The following LSAMP variants were observed in gnomAD, a reference collection of about 807,000 sequenced individuals.
LSAMP encodes limbic system-associated membrane protein.
In LSAMP, 7 loss-of-function variants were observed where a neutral mutation model predicts 38.6. The observed-to-expected ratio is 0.18, with a 90% confidence interval of 0.10 to 0.34. The LOEUF (loss-of-function observed/expected upper bound fraction) is 0.34. Among genes scored for constraint, LSAMP ranks in the 10% least tolerant of loss-of-function variants. LSAMP has a pLI of 1.00. For synonymous variants in LSAMP, 154 were observed against 166.8 expected, an observed-to-expected ratio of 0.92 and a Z score of 0.59; for missense variants, 313 against 420.0, an observed-to-expected ratio of 0.75 and a Z score of 2.23.
Position 116,311,850 on chromosome 3 carries a change from C to T in LSAMP, c.155+133027G>A, listed in dbSNP as rs74285335. ...AGTAGCAGTGGTAGTATTAGCAGTA[C>T]TTGCTCAATAAATACCTTTTGATTT... On this transcript the variant is annotated intron_variant, in intron 1 of 6. Transcript: ENST00000490035. Among the ~76,000 whole-genome samples the T allele has an allele frequency of 9.3e-3, 1,419 of 152,276 alleles. 23 individuals carry two copies. The highest frequency in any genetic ancestry group is 0.029 in the African/African-American group (1,197 of 41,544).
chr3:116,328,032 T>C (rs930894023), intron 1 of LSAMP, among the ~76,000 whole-genome samples: 1 of 152,172 alleles, frequency 6.6e-6, no homozygotes, highest in Admixed American at 6.6e-5. Flanking sequence ...TTTTTCTTTC[T>C]ACTGCATTGT....
intron 1 of LSAMP, among the ~76,000 whole-genome samples, chr3:116,270,053 A>G (rs2046949418): frequency 6.6e-6 from 1 of 152,118 alleles, no homozygotes; most frequent in Admixed American, 6.6e-5. Context: ...CCTACCTCCC[A>G]CCTGCAATCC....
intron 1 of LSAMP, among the ~76,000 whole-genome samples, chr3:116,439,174 C>T (rs2049395958): frequency 6.6e-6 from 1 of 152,096 alleles, no homozygotes; most frequent in South Asian, 2.1e-4. Context: ...TAGAAGTTCC[C>T]CAGCTGATGG....
chr3:116,291,455 C>A (rs2047266908), intron 1 of LSAMP, among the ~76,000 whole-genome samples: 1 of 152,162 alleles, frequency 6.6e-6, no homozygotes, highest in South Asian at 2.1e-4. Context: ...GGTATCTTCA[C>A]CTGCAAAATA....
chr3:115,934,310 T>A (rs1203281016), intron 3 of LSAMP, among the ~76,000 whole-genome samples: 2 of 151,896 alleles, frequency 1.3e-5, no homozygotes, highest in Admixed American at 1.3e-4. Flanking sequence ...TCCCAATAGG[T>A]TGGATTACAG....
At position 115,810,076 on chromosome 3, in the gene LSAMP, A is replaced by G; in HGVS notation, c.*241T>C. ...TGCTTAGTAGATATAAACATATCCC[A>G]GTAGAACCTTCTCCATCCTGAATGA... is the stretch of plus-strand genomic sequence containing the variant. On this transcript the variant is annotated 3_prime_UTR_variant, in exon 7 of 7. Transcript: ENST00000490035. 1 of 469,890 alleles carries G rather than the reference A, an allele frequency of 2.1e-6. No individual in the cohort carries two copies. Among genetic ancestry groups the G allele is most frequent in the East Asian group, 3.9e-5 (1 of 25,408 alleles). The allele number at this position is 469,890 out of a possible 1,614,324, so 29.1% of individuals were successfully genotyped here.
intron 1 of LSAMP, among the ~76,000 whole-genome samples, chr3:116,404,009 C>T (rs1020791742): frequency 6.6e-6 from 1 of 151,992 alleles, no homozygotes; most frequent in Non-Finnish European, 1.5e-5. Context: ...AGCAATCCTC[C>T]AGCCTTGGCC....
intron 3 of LSAMP, among the ~76,000 whole-genome samples, chr3:115,960,658 T>G (rs1938595809): frequency 6.6e-6 from 1 of 152,186 alleles, no homozygotes; most frequent in Admixed American, 6.6e-5. Flanking sequence ...AGCACATGGT[T>G]GGCATGGCTT....
intron 1 of LSAMP, among the ~76,000 whole-genome samples, chr3:116,164,617 TA>T (rs1709989464): frequency 1.5e-5 from 2 of 134,212 alleles, no homozygotes; most frequent in Non-Finnish European, 3.1e-5. Flanking sequence ...TATATATATA[TA>T]TATAATCCAA....
intron 1 of LSAMP, among the ~76,000 whole-genome samples, chr3:116,186,785 T>C (rs1278717456): frequency 6.6e-6 from 1 of 152,164 alleles, no homozygotes; most frequent in Non-Finnish European, 1.5e-5. Flanking sequence ...ATTTTACTTT[T>C]ACTCCTTCCC....
intron 5 of LSAMP, among the ~76,000 whole-genome samples, 176 bp downstream of exon 5, chr3:115,842,282 C>T (rs993816012): frequency 6.6e-6 from 1 of 152,178 alleles, no homozygotes; most frequent in African/African-American, 2.4e-5. Context: ...TGCTTTTGGG[C>T]TTCAGCTTAA....
At chr3:116,418,845 CG>C (rs1023622702) in intron 1 of LSAMP, among the ~76,000 whole-genome samples, 21 of 152,068 alleles carry the variant, frequency 1.4e-4, no homozygotes, top group Non-Finnish European at 2.8e-4. Context: ...TTGCTAAAAC[CG>C]CTTGAGCTCC....
rs114037329 is a variant in LSAMP, at chr3:116,388,699, C to G, written c.155+56178G>C. Among the ~76,000 whole-genome samples, 5 of 152,206 alleles carry G rather than the reference C, an allele frequency of 3.3e-5. No individual in the cohort carries two copies. The South Asian group carries it at 6.2e-4, about 19-fold the overall frequency. On this transcript the variant is annotated intron_variant, in intron 1 of 6. Transcript: ENST00000490035. ...TATTCCCAATAAACAAAGTAAAGAG[C>G]CTGAAATATCCAAAATGTTCATTTG...
chr3:115,877,246 AG>A (rs1053259612), intron 3 of LSAMP, among the ~76,000 whole-genome samples: 1 of 151,236 alleles, frequency 6.6e-6, no homozygotes, highest in African/African-American at 2.4e-5. Context: ...CACAACACAA[AG>A]CTCCCTGTTT....
intron 3 of LSAMP, among the ~76,000 whole-genome samples, chr3:116,012,088 C>G (rs1241528937): frequency 6.6e-6 from 1 of 152,176 alleles, no homozygotes; most frequent in African/African-American, 2.4e-5. Flanking sequence ...CATATCAACA[C>G]AGTGTGAATC....
chr3:115,991,572 C>G (rs535670698), intron 3 of LSAMP, among the ~76,000 whole-genome samples: 3 of 152,004 alleles, frequency 2.0e-5, no homozygotes, highest in Non-Finnish European at 4.4e-5. Flanking sequence ...AATTCATGAA[C>G]ACAAGGTGGA....
intron 2 of LSAMP, among the ~76,000 whole-genome samples, chr3:116,021,843 G>A (rs1397812084): frequency 6.6e-6 from 1 of 151,572 alleles, no homozygotes; most frequent in Non-Finnish European, 1.5e-5. Flanking sequence ...AGGAGATAGA[G>A]CGAAGACTTT....
At chr3:116,081,547 G>A (rs1707873562) in intron 2 of LSAMP, among the ~76,000 whole-genome samples, 1 of 152,184 alleles carries the variant, frequency 6.6e-6, no homozygotes, top group South Asian at 2.1e-4. Context: ...AGCCATTTTA[G>A]ATTTATATAT....
At chr3:116,100,669 G>A (rs991807053) in intron 1 of LSAMP, among the ~76,000 whole-genome samples, 2 of 152,104 alleles carry the variant, frequency 1.3e-5, no homozygotes, top group African/African-American at 4.8e-5. Context: ...TGAACAGAAT[G>A]TACATACATA....
Sources: gnomAD v4.1 joint callset for allele counts (sites outside exome capture counted in the v4.1 genomes callset) on GRCh38, gnomAD v4.1.1 for gene constraint, MANE v1.5 for transcripts, NCBI Gene and HGNC (gene_info 2026-07-23, HGNC 2026-07-21) for gene names.